The following DOCK7 variants were observed in gnomAD, a reference collection of about 807,000 sequenced individuals.
The protein encoded by DOCK7 is dedicator of cytokinesis protein 7.
A neutral mutation model predicts 271.0 loss-of-function variants in DOCK7; 138 were observed. The ratio of observed to expected loss-of-function variants is 0.51; its 90% CI spans 0.44 to 0.59. The LOEUF (loss-of-function observed/expected upper bound fraction) is 0.59. Among genes scored for constraint, DOCK7 ranks in the 20% least tolerant of loss-of-function variants. The probability of loss-of-function intolerance (pLI) is 0.00; values close to 1 mark genes in which losing one functional copy is unlikely to be tolerated. For missense variants in DOCK7, 2,066 were observed against 2,592.4 expected, an observed-to-expected ratio of 0.80 and a Z score of 4.41; for synonymous variants, 823 against 876.1, an observed-to-expected ratio of 0.94 and a Z score of 1.07.
At chr1:62,486,348 A>C (rs1646292545) in intron 43 of DOCK7, 1 of 152,132 alleles carries the variant, frequency 6.6e-6, no homozygotes, top group Admixed American at 6.5e-5. Context: ...TCTTAAAACA[A>C]GGATTGCAAT....
At chr1:62,617,613 G>A (rs1235478144) in intron 14 of DOCK7, among the ~76,000 whole-genome samples, 1 of 151,828 alleles carries the variant, frequency 6.6e-6, no homozygotes, top group African/African-American at 2.4e-5. Flanking sequence ...GTTAGCAGAA[G>A]AGAACAGAAG....
Position 62,645,665 on chromosome 1 carries a change from A to C in DOCK7, c.818+2026T>G, listed in dbSNP as rs371652184. Among the ~76,000 whole-genome samples the C allele has an allele frequency of 3.3e-5, 5 of 152,204 alleles. No individual in the cohort carries two copies. In the East Asian group the frequency reaches 5.8e-4, roughly 18 times the overall value. On this transcript the variant is annotated intron_variant, in intron 7 of 49. Transcript: ENST00000635253. ...ATCCACTGAATTGTATGCTTGGTGAACTGGGTGAATTCACTGGTGAACTGT... is the reference window on the plus strand; with the variant it reads ...ATCCACTGAATTGTATGCTTGGTGACCTGGGTGAATTCACTGGTGAACTGT...
At chr1:62,533,857 T>G (rs962191284) in intron 29 of DOCK7, among the ~76,000 whole-genome samples, 1 of 152,172 alleles carries the variant, frequency 6.6e-6, no homozygotes, top group African/African-American at 2.4e-5. Context: ...TCTCTTTTCG[T>G]TCTTGCATGA....
At chr1:62,634,631 G>T in intron 9 of DOCK7, 142 bp downstream of exon 9, 1 of 818,042 alleles carries the variant, frequency 1.2e-6, no homozygotes, top group Non-Finnish European at 1.9e-6. Flanking sequence ...CACCTACTGT[G>T]TATGTCCAAT....
At position 62,513,769 on chromosome 1, in the gene DOCK7, G is replaced by C; in HGVS notation, c.4066C>G (p.Leu1356Val). The stretch of plus-strand genomic sequence containing the variant: ...TAAAGCAGATCTAATAGCCGGTTTA[G>C]CTGCAAGACTGAGAGATCTGTAAAC... ...KWFTDLSVLQ[L>V]NRLLDLLYLC... The change falls in exon 32 of 50, where the codon CTA becomes GTA. Residue 1356 changes from leucine (L) to valine (V), a missense_variant. Leu to Val is a conservative substitution (Grantham distance 32, BLOSUM62 1). Coordinates refer to ENST00000635253, the MANE Select transcript of DOCK7 (RefSeq NM_001367561.1). 1 of 1,614,154 alleles carries C rather than the reference G, an allele frequency of 6.2e-7. No homozygotes were observed. Among genetic ancestry groups the C allele is most frequent in the Non-Finnish European group, 8.5e-7 (1 of 1,180,020 alleles).
At chr1:62,532,053 T>C (rs79693539) in intron 29 of DOCK7, among the ~76,000 whole-genome samples, 3 of 128,032 alleles carry the variant, frequency 2.3e-5, no homozygotes, top group Non-Finnish European at 1.6e-5. Context: ...AACATGGCTG[T>C]TATTTATGAG....
At chr1:62,520,821 C>T (rs1644824892) in intron 31 of DOCK7, among the ~76,000 whole-genome samples, 1 of 152,134 alleles carries the variant, frequency 6.6e-6, no homozygotes, top group Admixed American at 6.5e-5. Context: ...TACTGTGGCA[C>T]TATTCACAGT....
At chr1:62,596,643 T>A (rs540741675) in intron 14 of DOCK7, among the ~76,000 whole-genome samples, 3 of 149,956 alleles carry the variant, frequency 2.0e-5, no homozygotes, top group African/African-American at 7.3e-5. Flanking sequence ...ACATCATCTT[T>A]AAAAAAAAAA....
chr1:62,496,585 G>T, intron 37 of DOCK7, 88 bp from the exon 38 acceptor site: 2 of 1,238,958 alleles, frequency 1.6e-6, no homozygotes, highest in African/African-American at 1.6e-5. Context: ...TATATTTAGT[G>T]AAAAAATACC....
chr1:62,559,129 T>A lies in DOCK7; in HGVS notation c.2291A>T (p.Asn764Ile). 6.2e-7 allele frequency: 1 copy of A among 1,613,846 alleles called. No individual in the cohort carries two copies. The highest frequency in any genetic ancestry group is 8.5e-7 in the Non-Finnish European group (1 of 1,179,914). ...GCTCTTCAATTCATTTTCTAAGTTATTTTCCATGATTCGCATGTCCCCAAT... is the reference window on the plus strand; with the variant it reads ...GCTCTTCAATTCATTTTCTAAGTTAATTTCCATGATTCGCATGTCCCCAAT... ...VRIGDMRIMENNLENELKSSI... is the reference protein window; with the variant it reads ...VRIGDMRIMEINLENELKSSI... The change falls in exon 20 of 50, where the codon AAT becomes ATT. Residue 764 changes from asparagine to isoleucine, a missense_variant. Physicochemically the swap from Asn to Ile is moderately radical, Grantham distance 149. Transcript: ENST00000635253.
intron 12 of DOCK7, among the ~76,000 whole-genome samples, chr1:62,622,788 G>A (rs1653439611): frequency 6.6e-6 from 1 of 152,096 alleles, no homozygotes; most frequent in Non-Finnish European, 1.5e-5. Flanking sequence ...AAATTAGCCA[G>A]GCATGGTGGC....
intron 41 of DOCK7, among the ~76,000 whole-genome samples, chr1:62,491,794 T>C (rs939394506): frequency 9.2e-5 from 14 of 152,158 alleles, no homozygotes; most frequent in African/African-American, 2.7e-4. Flanking sequence ...TCAGAGACTT[T>C]CTGTTTTGTT....
Position 62,633,436 on chromosome 1 carries a change from AT to A in DOCK7, c.1116+61del, listed in dbSNP as rs1557833789. 5 of 1,265,548 alleles carry A rather than the reference AT, an allele frequency of 4.0e-6. 1 individual carries two copies. The South Asian group carries it at 5.1e-5, about 13-fold the overall frequency. The allele number at this position is 1,265,548 out of a possible 1,614,324, so 78.4% of individuals were successfully genotyped here. ...TTGCATATAAAATGCTATTGGGAGAATAGTATTCTCCCAAGTTACAATAGTA... is the reference window on the plus strand; with the variant it reads ...TTGCATATAAAATGCTATTGGGAGAAAGTATTCTCCCAAGTTACAATAGTA... On this transcript the variant is annotated intron_variant, in intron 10 of 49. Transcript: ENST00000635253.
At position 62,663,094 on chromosome 1, in the gene DOCK7, T is replaced by G; in HGVS notation, c.75A>C (p.Gly25=). ...GCAGTTGGGGAGAACCACTATATTG[T>G]CCGGAGATCTGCTTCCTAACTTCGG... ...VAAEVRKQIS[G]QYSGSPQLLK... is the part of the protein sequence containing the mutation. The change falls in exon 2 of 50, where the codon GGA becomes GGC. Residue 25 remains glycine, a synonymous_variant. Transcript: ENST00000635253. 1 of 1,613,286 alleles carries G rather than the reference T, an allele frequency of 6.2e-7. No homozygotes were observed. The highest frequency in any genetic ancestry group is 8.5e-7 in the Non-Finnish European group (1 of 1,179,722).
At chr1:62,510,434 A>C (rs1408709282) in intron 34 of DOCK7, 143 bp downstream of exon 34, 1 of 504,908 alleles carries the variant, frequency 2.0e-6, no homozygotes, top group Non-Finnish European at 3.1e-6. Context: ...AAATTTTTAA[A>C]TTAAATATTT....
At chr1:62,578,286 C>T (rs551661970) in intron 17 of DOCK7, among the ~76,000 whole-genome samples, 4 of 152,206 alleles carry the variant, frequency 2.6e-5, no homozygotes, top group Non-Finnish European at 5.9e-5. Context: ...AGGACCAACA[C>T]CCAAGTGTTT....
chr1:62,654,723 A>C (rs1657785167), intron 2 of DOCK7, among the ~76,000 whole-genome samples: 1 of 152,250 alleles, frequency 6.6e-6, no homozygotes, highest in Non-Finnish European at 1.5e-5. Flanking sequence ...GGATCTTAAA[A>C]CGGGAGTATT....
intron 14 of DOCK7, 81 bp from the exon 15 acceptor site, chr1:62,586,705 G>T (rs1027973528): frequency 1.3e-6 from 1 of 792,220 alleles, no homozygotes; most frequent in Non-Finnish European, 2.0e-6. Context: ...CACAAAATAA[G>T]TGACCAAATA....
chr1:62,504,859 G>T (rs773782858), intron 36 of DOCK7, 77 bp from the exon 37 acceptor site: 115 of 1,508,548 alleles, frequency 7.6e-5, no homozygotes, highest in Non-Finnish European at 9.8e-5. Context: ...AACCTGAACT[G>T]GAGACTTGTT....
Sources: allele counts gnomAD v4.1 joint callset (sites outside exome capture counted in the v4.1 genomes callset), GRCh38; gene constraint gnomAD v4.1.1; transcripts MANE v1.5; gene names NCBI Gene and HGNC (gene_info 2026-07-23, HGNC 2026-07-21).